The following TRPM7 variants were observed in gnomAD, a reference collection of about 807,000 sequenced individuals.
TRPM7 encodes the protein LTRPC ion channel family member 7.
TRPM7 carries 134 observed loss-of-function variants against 229.7 expected under a neutral mutation model. The ratio of observed to expected loss-of-function variants is 0.58; its 90% CI spans 0.51 to 0.67. TRPM7 has a LOEUF of 0.67. TRPM7 is among the 30% of genes least tolerant of loss of function. TRPM7 has a pLI of 0.00. For missense variants in TRPM7, 1,901 were observed against 2,210.0 expected, an observed-to-expected ratio of 0.86 and a Z score of 2.80; for synonymous variants, 699 against 715.2, an observed-to-expected ratio of 0.98 and a Z score of 0.36.
chr15:50,656,600 T>A (rs1296572849), intron 3 of TRPM7, among the ~76,000 whole-genome samples: 1 of 151,852 alleles, frequency 6.6e-6, no homozygotes, highest in Non-Finnish European at 1.5e-5. Context: ...CCTCCCCAAG[T>A]GCTGGGATTA....
intron 27 of TRPM7, 78 bp downstream of exon 27, chr15:50,589,514 G>T: frequency 1.9e-6 from 2 of 1,030,014 alleles, no homozygotes; most frequent in Non-Finnish European, 2.9e-6. Flanking sequence ...CTGAAAAAAT[G>T]TTTAATTAAA....
chr15:50,585,817 T>A (rs1284237946), intron 28 of TRPM7, among the ~76,000 whole-genome samples: 1 of 152,228 alleles, frequency 6.6e-6, no homozygotes, highest in Admixed American at 6.5e-5. Context: ...AAAATTATGA[T>A]ATGGAAACAT....
intron 1 of TRPM7, among the ~76,000 whole-genome samples, chr15:50,672,544 G>A (rs896665265): frequency 4.6e-5 from 7 of 151,970 alleles, no homozygotes; most frequent in Admixed American, 1.3e-4. Flanking sequence ...TGTAGGCCTA[G>A]GCTAACGTGT....
chr15:50,656,926 A>T (rs1231713792), intron 3 of TRPM7, among the ~76,000 whole-genome samples: 1 of 152,152 alleles, frequency 6.6e-6, no homozygotes, highest in Non-Finnish European at 1.5e-5. Context: ...ATTGTCAAAA[A>T]CATCTTACTT....
At chr15:50,667,987 T>C (rs751991441) in intron 1 of TRPM7, among the ~76,000 whole-genome samples, 20 of 152,112 alleles carry the variant, frequency 1.3e-4, no homozygotes, top group South Asian at 2.1e-4. Context: ...TTATCAGCAG[T>C]AATTATGATT....
At chr15:50,682,898 A>AT (rs1567132948) in intron 1 of TRPM7, among the ~76,000 whole-genome samples, 7 of 144,690 alleles carry the variant, frequency 4.8e-5, no homozygotes, top group African/African-American at 1.6e-4. Context: ...CCGGTACCAA[A>AT]CTTTTTTTTT....
rs944748055 is a variant in TRPM7, at chr15:50,648,697, T to C, written c.311A>G (p.Tyr104Cys). The change falls in exon 4 of 39, where the codon TAC becomes TGC. Residue 104 changes from tyrosine to cysteine, a missense_variant. Tyr to Cys is a radical substitution (Grantham distance 194). Around this residue, in one of 8 missense-constraint regions of TRPM7, gnomAD observed 794 missense variants for 881.9 expected, o/e 0.90. Transcript: ENST00000646667. The stretch of plus-strand genomic sequence containing the variant: ...CAATATGTGACATACCTTAGCTCTG[T>C]AGGAATGAGAACCCCCTTGAAAATT... Reference protein sequence around the residue: ...VINFQGGSHSYRAKYVRLSYD... With the variant: ...VINFQGGSHSCRAKYVRLSYD... 21 of 1,607,370 alleles carry C rather than the reference T, an allele frequency of 1.3e-5. No homozygotes were observed. The highest frequency in any genetic ancestry group is 2.7e-5 in the African/African-American group (2 of 74,798).
chr15:50,588,189 A>G (rs2140339312), intron 27 of TRPM7: 1 of 982,478 alleles, frequency 1.0e-6, no homozygotes, highest in African/African-American at 1.7e-5. Context: ...AAGAGACTTT[A>G]CCTCATATTT....
At chr15:50,597,464 A>G (rs1379898253) in intron 22 of TRPM7, among the ~76,000 whole-genome samples, 1 of 152,258 alleles carries the variant, frequency 6.6e-6, no homozygotes, top group African/African-American at 2.4e-5. Context: ...ATTAATGGTA[A>G]GGTCTTTTCA....
intron 1 of TRPM7, among the ~76,000 whole-genome samples, chr15:50,681,647 C>G (rs916252007): frequency 6.6e-6 from 1 of 152,158 alleles, no homozygotes; most frequent in Non-Finnish European, 1.5e-5. Context: ...CTCAGGGTTG[C>G]TATATTATTG....
intron 13 of TRPM7, among the ~76,000 whole-genome samples, chr15:50,617,136 AAATAAAT>A (rs2060244719): frequency 3.8e-5 from 1 of 26,614 alleles, no homozygotes; most frequent in Non-Finnish European, 7.5e-5. Flanking sequence ...CCAAAAAAAT[AAATAAAT>A]AAATAAATAA....
At position 50,670,597 on chromosome 15, in the gene TRPM7, A is replaced by G. The variant is rs578216562; in HGVS notation, c.4-7551T>C. On this transcript the variant is annotated intron_variant, in intron 1 of 38. Transcript: ENST00000646667. ...TCAGAAGTTACCCTATATAGTTTAA[A>G]AAGAGGAGGAACCCTCAGTTCTGGG... 4.6e-5 allele frequency among the ~76,000 whole-genome samples: 7 copies of G among 152,262 alleles called. 1 individual carries two copies. In the South Asian group the frequency reaches 1.5e-3, roughly 32 times the overall value.
intron 16 of TRPM7, among the ~76,000 whole-genome samples, chr15:50,611,839 T>C (rs1450522750): frequency 6.6e-6 from 1 of 152,230 alleles, no homozygotes; most frequent in African/African-American, 2.4e-5. Flanking sequence ...TCTTAGTATA[T>C]ATTAGAAAAC....
chr15:50,574,206 T>G, intron 36 of TRPM7, 68 bp downstream of exon 36: 1 of 1,235,212 alleles, frequency 8.1e-7, no homozygotes, highest in Non-Finnish European at 1.2e-6. Flanking sequence ...TAGCAGATTC[T>G]GTATAACATA....
At chr15:50,664,035 C>G (rs2061810747) in intron 1 of TRPM7, among the ~76,000 whole-genome samples, 1 of 152,020 alleles carries the variant, frequency 6.6e-6, no homozygotes. Context: ...TGCGGTGGCT[C>G]ACACGTATAA....
At chr15:50,653,075 C>T (rs7179565) in intron 3 of TRPM7, among the ~76,000 whole-genome samples, 12,100 of 151,960 alleles carry the variant, frequency 0.08, 572 homozygotes, top group South Asian at 0.12. Flanking sequence ...CACCTGAGCC[C>T]GGGAGGTCAA....
At chr15:50,668,198 C>A (rs1187201077) in intron 1 of TRPM7, among the ~76,000 whole-genome samples, 2 of 152,114 alleles carry the variant, frequency 1.3e-5, no homozygotes, top group Non-Finnish European at 2.9e-5. Context: ...TTTGGAGACT[C>A]TAACATTAGA....
At chr15:50,583,215 C>A in intron 28 of TRPM7, 56 bp from the exon 29 acceptor site, 5 of 1,265,678 alleles carry the variant, frequency 4.0e-6, no homozygotes, top group South Asian at 2.6e-5. Context: ...TTATGAATAC[C>A]AACTAACCAA....
chr15:50,678,352 A>G (rs996507126), intron 1 of TRPM7, among the ~76,000 whole-genome samples: 2 of 151,684 alleles, frequency 1.3e-5, no homozygotes, highest in Non-Finnish European at 2.9e-5. Flanking sequence ...AGGGTGACCA[A>G]CATGCCTGCC....
Sources: gnomAD v4.1 joint callset for allele counts (sites outside exome capture counted in the v4.1 genomes callset) on GRCh38, gnomAD v4.1.1 for gene constraint, gnomAD v4.1.1 regional missense constraint, MANE v1.5 for transcripts, NCBI Gene and HGNC (gene_info 2026-07-23, HGNC 2026-07-21) for gene names.